Variants in MCPH1 observed in about 807,000 individuals in gnomAD.
MCPH1 encodes microcephalin.
In MCPH1, 104 loss-of-function variants were observed where a neutral mutation model predicts 84.5. The observed-to-expected ratio is 1.23, with a 90% CI of 1.05 to 1.45. The LOEUF is 1.45. MCPH1 is among the 40% of genes most tolerant of loss of function. The pLI is 0.00. For missense variants in MCPH1, 1,498 were observed against 1,005.7 expected (o/e 1.49, Z -6.62); for synonymous variants, 514 against 366.8 (o/e 1.40, Z -4.58).
intron 13 of MCPH1, among the ~76,000 whole-genome samples, chr8:6,633,003 T>C (rs1221433787): frequency 6.7e-6 from 1 of 150,120 alleles, no homozygotes; most frequent in Non-Finnish European, 1.5e-5. Flanking sequence ...GTAGGGAAGA[T>C]TCAATGCCGA....
At chr8:6,579,040 G>A (rs1040182582) in intron 12 of MCPH1, among the ~76,000 whole-genome samples, 4 of 152,188 alleles carry the variant, frequency 2.6e-5, no homozygotes, top group Non-Finnish European at 4.4e-5. Context: ...GAATACTGAG[G>A]CCCTGTGGGA....
intron 12 of MCPH1, among the ~76,000 whole-genome samples, chr8:6,504,588 G>C (rs1348243919): frequency 6.6e-6 from 1 of 152,224 alleles, no homozygotes; most frequent in East Asian, 1.9e-4. Flanking sequence ...GATGATGCTG[G>C]CAATTCAGAT....
intron 12 of MCPH1, chr8:6,507,611 C>G (rs1295065090): frequency 8.3e-6 from 1 of 120,028 alleles, no homozygotes; most frequent in African/African-American, 2.9e-5. Context: ...AATTCTTGCT[C>G]TGTCCCCCAG....
intron 12 of MCPH1, among the ~76,000 whole-genome samples, chr8:6,606,739 A>T: frequency 6.6e-6 from 1 of 152,226 alleles, no homozygotes; most frequent in East Asian, 1.9e-4. Context: ...CCCAAATCTC[A>T]TCTTGAGTTC....
At chr8:6,625,098 C>A in intron 13 of MCPH1, 1 of 770,224 alleles carries the variant, frequency 1.3e-6, no homozygotes, top group Non-Finnish European at 1.6e-6. Flanking sequence ...TGGTCTCAAA[C>A]CCCCAACCTC....
chr8:6,434,763 G>A (rs1209498651), intron 4 of MCPH1, among the ~76,000 whole-genome samples: 1 of 152,200 alleles, frequency 6.6e-6, no homozygotes, highest in Non-Finnish European at 1.5e-5. Flanking sequence ...TACGTGGGTA[G>A]CTAGCTACCC....
chr8:6,502,353 G>C (rs982927688), intron 12 of MCPH1: 1 of 151,994 alleles, frequency 6.6e-6, no homozygotes, highest in Non-Finnish European at 1.5e-5. Context: ...CAATCAGGCA[G>C]AAAAAAATAG....
rs1434146458 is a variant in MCPH1 at position 6,644,573 on chromosome 8, A to G, written c.*1524A>G. 1.3e-5 allele frequency: 2 copies of G among 152,142 alleles called. No homozygotes were observed. The highest frequency in any genetic ancestry group is 3.9e-4 in the East Asian group (2 of 5,182). 9.4% of individuals were successfully genotyped at this position (152,142 alleles called of 1,614,324 possible). A position where few individuals can be genotyped will look rare whatever the true frequency, so the allele number is the denominator to read the frequency against. ...ATTCAAGCTGAGCACCAAATCAAGA[A>G]CGCAATCCCATTTCCAATAGCCACG... On this transcript the variant is annotated 3_prime_UTR_variant, in exon 14 of 14. Transcript: ENST00000344683.
chr8:6,417,322 C>T (rs1449260325), intron 3 of MCPH1, among the ~76,000 whole-genome samples: 6 of 152,322 alleles, frequency 3.9e-5, no homozygotes, highest in Middle Eastern at 3.4e-3. Context: ...ATGGTCTCTG[C>T]TCAACAGCTC....
At position 6,625,122 on chromosome 8, in the gene MCPH1, G is replaced by A. The variant is rs551713115; in HGVS notation, c.2452+3431G>A. On this transcript the variant is annotated intron_variant, in intron 13 of 13. Coordinates refer to ENST00000344683, the MANE Select transcript of MCPH1 (RefSeq NM_024596.5). ...ACCCCCAACCTCAAGTGATCCTCCT[G>A]CCTCGGCCTCCCAAAGTGCTGGGAT... 1.0e-5 allele frequency: 9 copies of A among 896,254 alleles called. No homozygotes were observed. The African/African-American group carries it at 1.3e-4, about 13-fold the overall frequency. 55.5% of individuals were successfully genotyped at this position (896,254 alleles called of 1,614,324 possible). A position where few individuals can be genotyped will look rare whatever the true frequency, so the allele number is the denominator to read the frequency against.
At chr8:6,586,622 A>G (rs1449104878) in intron 12 of MCPH1, among the ~76,000 whole-genome samples, 1 of 152,230 alleles carries the variant, frequency 6.6e-6, no homozygotes, top group African/African-American at 2.4e-5. Context: ...AGCCTGAAAT[A>G]AAGGCAAACA....
chr8:6,624,890 T>C (rs979217380), intron 13 of MCPH1: 49 of 954,278 alleles, frequency 5.1e-5, no homozygotes, highest in Admixed American at 1.2e-4. Flanking sequence ...TTTTTTTTTT[T>C]CTGAGATGGA....
At chr8:6,489,749 G>A (rs985463947) in intron 11 of MCPH1, among the ~76,000 whole-genome samples, 5 of 152,212 alleles carry the variant, frequency 3.3e-5, no homozygotes, top group African/African-American at 9.6e-5. Flanking sequence ...CTGCAACACA[G>A]ATCATCGTCC....
chr8:6,515,376 G>A (rs1816050789), intron 12 of MCPH1, among the ~76,000 whole-genome samples: 1 of 152,204 alleles, frequency 6.6e-6, no homozygotes, highest in South Asian at 2.1e-4. Flanking sequence ...TGAGGCTCCA[G>A]TGTCCTGGTG....
At chr8:6,498,924 C>T (rs553394802) in intron 11 of MCPH1, among the ~76,000 whole-genome samples, 42 of 151,982 alleles carry the variant, frequency 2.8e-4, no homozygotes, top group Admixed American at 1.8e-3. Flanking sequence ...TGGTGGTGGG[C>T]GCCTGTGGTC....
chr8:6,486,313 G>A (rs1178481136), intron 11 of MCPH1, among the ~76,000 whole-genome samples: 3 of 143,548 alleles, frequency 2.1e-5, no homozygotes, highest in Non-Finnish European at 4.6e-5. Context: ...TCGCTCTCTC[G>A]CTCTCTCGTC....
chr8:6,516,205 C>A (rs1204304910), intron 12 of MCPH1, among the ~76,000 whole-genome samples: 1 of 152,200 alleles, frequency 6.6e-6, no homozygotes, highest in African/African-American at 2.4e-5. Context: ...AAGCTAACCC[C>A]TTGTTACCGC....
At chr8:6,595,772 C>G (rs1828880718) in intron 12 of MCPH1, among the ~76,000 whole-genome samples, 1 of 152,082 alleles carries the variant, frequency 6.6e-6, no homozygotes, top group African/African-American at 2.4e-5. Context: ...GGCTGCTGCA[C>G]AGGGAAGAGC....
chr8:6,595,766 G>A (rs55737192), intron 12 of MCPH1, among the ~76,000 whole-genome samples: 39,378 of 152,130 alleles, frequency 0.26, 5,542 homozygotes, highest in South Asian at 0.32. Context: ...CATTCCGGCT[G>A]CTGCACAGGG....
Sources: gnomAD v4.1 joint callset for allele counts (sites outside exome capture counted in the v4.1 genomes callset) on GRCh38, gnomAD v4.1.1 for gene constraint, MANE v1.5 for transcripts, NCBI Gene and HGNC (gene_info 2026-07-23, HGNC 2026-07-21) for gene names.